NTM: variants seen among roughly 807,000 people sequenced by gnomAD.
The protein encoded by NTM is neurotrimin, also known as IgLON family member 2.
In NTM, 13 loss-of-function variants were observed where a neutral mutation model predicts 42.1. The observed-to-expected ratio is 0.31, with a 90% CI of 0.20 to 0.49. The LOEUF (loss-of-function observed/expected upper bound fraction) is 0.49. Among genes scored for constraint, NTM ranks in the 20% least tolerant of loss-of-function variants. The pLI is 0.99. For synonymous variants in NTM, 187 were observed against 179.2 expected (o/e 1.04, Z -0.35); for missense variants, 373 against 452.8 (o/e 0.82, Z 1.60).
chr11:132,110,034 A>T lies in NTM; in HGVS notation c.168-36248A>T, dbSNP rs190540347. Reference sequence around the variant, plus strand: ...TCAAAATGGACTTCCTTAAAGACATAACAACCTTTCACTTGGGCTCAACTC... The same window carrying T: ...TCAAAATGGACTTCCTTAAAGACATTACAACCTTTCACTTGGGCTCAACTC... On this transcript the variant is annotated intron_variant, in intron 2 of 8. Coordinates refer to ENST00000683400, the MANE Select transcript of NTM (RefSeq NM_001352005.2). Among the ~76,000 whole-genome samples the T allele has an allele frequency of 1.5e-3, 225 of 152,326 alleles. 1 individual carries two copies. The highest frequency in any genetic ancestry group is 2.8e-3 in the Non-Finnish European group (188 of 68,040).
At chr11:131,400,020 C>A (rs1944963212) in intron 1 of NTM, among the ~76,000 whole-genome samples, 2 of 152,056 alleles carry the variant, frequency 1.3e-5, no homozygotes, top group Admixed American at 6.6e-5. Context: ...CTAATTTATG[C>A]TATGTATGGG....
At chr11:131,784,528 A>AGC (rs1459046917) in intron 1 of NTM, among the ~76,000 whole-genome samples, 2 of 152,238 alleles carry the variant, frequency 1.3e-5, no homozygotes, top group African/African-American at 4.8e-5. Flanking sequence ...GCAATCATGT[A>AGC]AAGCTCTAGA....
At chr11:132,080,854 T>C (rs896995539) in intron 2 of NTM, among the ~76,000 whole-genome samples, 3 of 152,196 alleles carry the variant, frequency 2.0e-5, no homozygotes, top group Non-Finnish European at 4.4e-5. Flanking sequence ...GGGTAGCTGA[T>C]GGCAAGTGGG....
intron 1 of NTM, among the ~76,000 whole-genome samples, chr11:131,405,032 C>G (rs1262128071): frequency 2.6e-5 from 4 of 152,086 alleles, no homozygotes; most frequent in Non-Finnish European, 5.9e-5. Flanking sequence ...CTTTATGGGA[C>G]CAAAGACAGA....
chr11:131,646,281 A>G (rs115599784), intron 1 of NTM, among the ~76,000 whole-genome samples: 1,775 of 152,310 alleles, frequency 0.012, 37 homozygotes, highest in African/African-American at 0.041. Context: ...GAATCAGAGA[A>G]TAGAGGGCCT....
intron 1 of NTM, among the ~76,000 whole-genome samples, chr11:131,669,341 G>A (rs2069688815): frequency 6.6e-6 from 1 of 152,204 alleles, no homozygotes; most frequent in Non-Finnish European, 1.5e-5. Flanking sequence ...GATTGGAAAA[G>A]TCCCGTAGCC....
chr11:131,678,307 G>A (rs1464902095), intron 1 of NTM, among the ~76,000 whole-genome samples: 4 of 152,234 alleles, frequency 2.6e-5, no homozygotes, highest in Admixed American at 6.5e-5. Context: ...TGGATGGCCT[G>A]ACCATCACAG....
At chr11:132,293,427 A>G (rs922953863) in intron 4 of NTM, among the ~76,000 whole-genome samples, 6 of 152,182 alleles carry the variant, frequency 3.9e-5, no homozygotes, top group African/African-American at 1.4e-4. Context: ...CATCTCTCCA[A>G]GAATTGGATG....
intron 2 of NTM, among the ~76,000 whole-genome samples, chr11:132,046,469 G>A (rs895420597): frequency 2.6e-5 from 4 of 151,934 alleles, no homozygotes; most frequent in African/African-American, 9.7e-5. Context: ...ACTGCTGTGA[G>A]TTATTATACT....
At chr11:132,050,876 C>A (rs912355604) in intron 2 of NTM, among the ~76,000 whole-genome samples, 7 of 152,234 alleles carry the variant, frequency 4.6e-5, no homozygotes, top group African/African-American at 1.7e-4. Context: ...TTCATACTTA[C>A]ATGTCTTGCC....
chr11:132,305,936 C>A (rs1163639096), intron 4 of NTM, among the ~76,000 whole-genome samples: 4 of 152,144 alleles, frequency 2.6e-5, no homozygotes, highest in African/African-American at 9.7e-5. Flanking sequence ...TTTAGTATCT[C>A]TTTCTTGTTT....
chr11:132,121,558 C>G (rs941285610), intron 2 of NTM, among the ~76,000 whole-genome samples: 1 of 152,096 alleles, frequency 6.6e-6, no homozygotes. Flanking sequence ...CTGTTCCCAG[C>G]TCTATTCTTG....
chr11:131,557,409 G>A (rs569814225), intron 1 of NTM, among the ~76,000 whole-genome samples: 8 of 152,304 alleles, frequency 5.3e-5, no homozygotes, highest in Admixed American at 1.3e-4. Flanking sequence ...AAGTAGAGAC[G>A]TGGACAAGAG....
At chr11:132,078,022 A>G (rs12283858) in intron 2 of NTM, among the ~76,000 whole-genome samples, 3,707 of 152,356 alleles carry the variant, frequency 0.024, 64 homozygotes, top group Middle Eastern at 0.054. Flanking sequence ...AGAAATGTAT[A>G]AAAGGATGCA....
chr11:131,409,883 T>C (rs928159484), intron 1 of NTM, among the ~76,000 whole-genome samples: 1 of 152,146 alleles, frequency 6.6e-6, no homozygotes, highest in South Asian at 2.1e-4. Context: ...CATCTCCTCC[T>C]GTAAAAAGGG....
At chr11:132,329,733 A>T (rs1289035162) in intron 7 of NTM, among the ~76,000 whole-genome samples, 1 of 152,250 alleles carries the variant, frequency 6.6e-6, no homozygotes, top group Non-Finnish European at 1.5e-5. Context: ...CTTTATACGT[A>T]AGACCTACAG....
At chr11:131,986,475 A>C (rs886266991) in intron 2 of NTM, among the ~76,000 whole-genome samples, 3 of 152,172 alleles carry the variant, frequency 2.0e-5, no homozygotes, top group Non-Finnish European at 4.4e-5. Context: ...TGCTTCTTCT[A>C]CCTGACATTC....
intron 1 of NTM, among the ~76,000 whole-genome samples, chr11:131,452,215 G>C (rs1296902278): frequency 1.3e-5 from 2 of 152,212 alleles, no homozygotes; most frequent in Non-Finnish European, 2.9e-5. Context: ...GCATTTGTTG[G>C]CAGTGCCTGG....
chr11:131,730,439 G>T (rs1020351582), intron 1 of NTM, among the ~76,000 whole-genome samples: 17 of 152,144 alleles, frequency 1.1e-4, no homozygotes, highest in Middle Eastern at 3.2e-3. Context: ...ACAAGGCCAG[G>T]TTCGGTGGCT....
Sources: gnomAD v4.1 joint callset for allele counts (sites outside exome capture counted in the v4.1 genomes callset) on GRCh38, gnomAD v4.1.1 for gene constraint, MANE v1.5 for transcripts, NCBI Gene and HGNC (gene_info 2026-07-23, HGNC 2026-07-21) for gene names.